The following COL23A1 variants were observed in gnomAD, a reference collection of about 807,000 sequenced individuals.
COL23A1 encodes the protein collagen alpha-1(XXIII) chain.
A neutral mutation model predicts 99.3 loss-of-function variants in COL23A1; 97 were observed. That is an observed-to-expected ratio of 0.98 (90% CI 0.83 to 1.16). The LOEUF (loss-of-function observed/expected upper bound fraction) is 1.16. Ranked by LOEUF, COL23A1 falls within the 50% of genes most tolerant of loss-of-function variation. COL23A1 has a pLI of 0.00. For missense variants in COL23A1, 762 were observed against 757.4 expected (o/e 1.01, Z -0.07); for synonymous variants, 320 against 308.2 (o/e 1.04, Z -0.40).
chr5:178,558,964 AT>A (rs1416114822), intron 2 of COL23A1, among the ~76,000 whole-genome samples: 3 of 151,860 alleles, frequency 2.0e-5, no homozygotes, highest in Non-Finnish European at 4.4e-5. Flanking sequence ...AATTTTTTAT[AT>A]TTTTTGTAGA....
chr5:178,371,146 ATGTT>A (rs1429773318), intron 2 of COL23A1, among the ~76,000 whole-genome samples: 14 of 152,224 alleles, frequency 9.2e-5, no homozygotes, highest in African/African-American at 2.7e-4. Flanking sequence ...CATATAGACA[ATGTT>A]TGTCAATTAA....
At chr5:178,515,921 C>A (rs2127998976) in intron 2 of COL23A1, among the ~76,000 whole-genome samples, 1 of 152,158 alleles carries the variant, frequency 6.6e-6, no homozygotes, top group South Asian at 2.1e-4. Context: ...TGCTCGGGGT[C>A]ACCCGGGCCT....
At chr5:178,414,975 G>A (rs1445795047) in intron 2 of COL23A1, among the ~76,000 whole-genome samples, 2 of 152,150 alleles carry the variant, frequency 1.3e-5, no homozygotes, top group Non-Finnish European at 2.9e-5. Context: ...GTGGAGTGGG[G>A]TGAAAGGAGA....
At chr5:178,530,577 G>A (rs1760590463) in intron 2 of COL23A1, among the ~76,000 whole-genome samples, 1 of 152,184 alleles carries the variant, frequency 6.6e-6, no homozygotes, top group Non-Finnish European at 1.5e-5. Context: ...GGGCCACTTA[G>A]GAAAGGCGAT....
rs1443447136 is a variant in COL23A1, at chr5:178,544,013, C to T, written c.361+16669G>A. Among the ~76,000 whole-genome samples, 1 of 152,076 alleles carries T rather than the reference C, an allele frequency of 6.6e-6. No individual in the cohort carries two copies. The highest frequency in any genetic ancestry group is 1.5e-5 in the Non-Finnish European group (1 of 68,012). On this transcript the variant is annotated intron_variant, in intron 2 of 28. Coordinates refer to ENST00000390654, the MANE Select transcript of COL23A1 (RefSeq NM_173465.4). The surrounding 1 kb of genome is among the most constrained non-coding windows in gnomAD (Gnocchi z 4.4). ...TTTTCTAAGGGCACTAATCCCATCA[C>T]AAGGGCTCCACTCTCATACCCTAAT...
intron 2 of COL23A1, among the ~76,000 whole-genome samples, chr5:178,522,848 C>T (rs908567177): frequency 2.6e-5 from 4 of 152,108 alleles, no homozygotes; most frequent in African/African-American, 9.7e-5. Context: ...AGTCTCCCCC[C>T]AGTCTCTGAT....
At chr5:178,269,345 AT>A (rs1756098929) in intron 6 of COL23A1, among the ~76,000 whole-genome samples, 1 of 49,812 alleles carries the variant, frequency 2.0e-5, no homozygotes, top group African/African-American at 4.5e-5. Flanking sequence ...CCATCCATCC[AT>A]CCACCCACCC....
intron 2 of COL23A1, among the ~76,000 whole-genome samples, chr5:178,535,473 G>A (rs984387856): frequency 2.6e-5 from 4 of 152,238 alleles, no homozygotes; most frequent in South Asian, 2.1e-4. Context: ...CTCTGAAGGC[G>A]CTCTGTATAC....
intron 2 of COL23A1, among the ~76,000 whole-genome samples, chr5:178,320,355 G>C (rs535540796): frequency 6.6e-6 from 1 of 152,276 alleles, no homozygotes; most frequent in African/African-American, 2.4e-5. Context: ...CACCTGAATC[G>C]GGAAGAAGTG....
At chr5:178,534,597 G>C (rs1760831621) in intron 2 of COL23A1, among the ~76,000 whole-genome samples, 1 of 152,086 alleles carries the variant, frequency 6.6e-6, no homozygotes, top group South Asian at 2.1e-4. Flanking sequence ...TGACCAACAT[G>C]GTGAAATTCC....
chr5:178,404,491 C>T (rs938477105), intron 2 of COL23A1, among the ~76,000 whole-genome samples: 26 of 145,742 alleles, frequency 1.8e-4, no homozygotes, highest in African/African-American at 6.9e-4. Context: ...GAAAGAACAA[C>T]ACAGACAAAG....
chr5:178,446,490 C>T lies in COL23A1; in HGVS notation c.361+114192G>A, dbSNP rs1382249205. Among the ~76,000 whole-genome samples, 3 of 152,020 alleles carry T rather than the reference C, an allele frequency of 2.0e-5. No individual in the cohort carries two copies. In the East Asian group the frequency reaches 5.8e-4, roughly 29 times the overall value. On this transcript the variant is annotated intron_variant, in intron 2 of 28. Coordinates refer to ENST00000390654, the MANE Select transcript of COL23A1 (RefSeq NM_173465.4). ...ATAGTTGATTTTAATTTTCTTTTGG[C>T]TTCTCTAAATTTTATACAACAAGCT... is the stretch of plus-strand genomic sequence containing the variant.
At chr5:178,252,679 T>C (rs2973751) in intron 16 of COL23A1, 82 bp from the exon 17 acceptor site, 970,201 of 1,266,964 alleles carry the variant, frequency 0.77, 372,492 homozygotes, top group Middle Eastern at 0.87. Flanking sequence ...CCACCTGGAA[T>C]CAAGTCCCCG....
intron 2 of COL23A1, among the ~76,000 whole-genome samples, chr5:178,515,273 T>C (rs562731728): frequency 2.9e-4 from 44 of 152,314 alleles, no homozygotes; most frequent in African/African-American, 1.0e-3. Context: ...CCAGCCTCCC[T>C]CCCTGCAGCC....
intron 2 of COL23A1, among the ~76,000 whole-genome samples, chr5:178,341,439 C>G (rs902233572): frequency 2.6e-5 from 4 of 152,214 alleles, no homozygotes; most frequent in Admixed American, 6.5e-5. Flanking sequence ...ATCGGGTACC[C>G]CAGAGCACAG....
At chr5:178,447,397 A>G (rs1027928477) in intron 2 of COL23A1, among the ~76,000 whole-genome samples, 5 of 152,216 alleles carry the variant, frequency 3.3e-5, no homozygotes, top group Non-Finnish European at 7.3e-5. Flanking sequence ...TTATACAGTC[A>G]TGTGCCACAT....
At chr5:178,480,359 G>A (rs1260845478) in intron 2 of COL23A1, among the ~76,000 whole-genome samples, 9 of 152,138 alleles carry the variant, frequency 5.9e-5, no homozygotes, top group African/African-American at 1.4e-4. Context: ...CGGTCACCTC[G>A]GAGTCTTCAC....
intron 2 of COL23A1, among the ~76,000 whole-genome samples, chr5:178,465,727 C>G (rs1055586311): frequency 2.6e-5 from 4 of 152,192 alleles, no homozygotes; most frequent in Non-Finnish European, 4.4e-5. Context: ...GTGGCGGTCA[C>G]GTCCTCACGA....
intron 2 of COL23A1, among the ~76,000 whole-genome samples, chr5:178,377,009 A>G (rs13156932): frequency 0.095 from 14,521 of 152,200 alleles, 1,312 homozygotes; most frequent in African/African-American, 0.24. Context: ...TGGACTACTC[A>G]TCACCTCTTG....
Sources: allele counts gnomAD v4.1 joint callset (sites outside exome capture counted in the v4.1 genomes callset), GRCh38; gene constraint gnomAD v4.1.1; non-coding constraint Gnocchi (gnomAD v3.1); transcripts MANE v1.5; gene names NCBI Gene and HGNC (gene_info 2026-07-23, HGNC 2026-07-21).